The following RNF135 variants were observed in gnomAD, a reference collection of about 807,000 sequenced individuals.
The protein encoded by RNF135 is E3 ubiquitin-protein ligase RNF135.
Under a neutral mutation model 41.9 loss-of-function variants are expected in RNF135, and 46 were observed. The ratio of observed to expected loss-of-function variants is 1.10; its 90% CI spans 0.87 to 1.40. RNF135 has a LOEUF of 1.40. Among genes scored for constraint, RNF135 ranks in the 40% most tolerant of loss-of-function variants. The pLI, the probability that RNF135 is intolerant of heterozygous loss-of-function variation, is 0.00. For missense variants in RNF135, 539 were observed against 549.8 expected, an observed-to-expected ratio of 0.98 and a Z score of 0.20; for synonymous variants, 238 against 223.8, an observed-to-expected ratio of 1.06 and a Z score of -0.57.
intron 3 of RNF135, among the ~76,000 whole-genome samples, chr17:30,988,493 T>C (rs1208063270): frequency 1.5e-5 from 2 of 130,416 alleles, no homozygotes; most frequent in African/African-American, 2.9e-5. Context: ...AGTGGCACCA[T>C]CTGGGCTCAC....
intron 3 of RNF135, among the ~76,000 whole-genome samples, chr17:30,996,570 C>T (rs948428920): frequency 3.3e-5 from 5 of 152,130 alleles, no homozygotes; most frequent in African/African-American, 1.2e-4. Context: ...ACACCCTAGA[C>T]AAGGTCTTTC....
chr17:30,969,737 CTTTCT>C (rs1303811381), upstream of RNF135, among the ~76,000 whole-genome samples: 1 of 140,194 alleles, frequency 7.1e-6, no homozygotes, highest in Non-Finnish European at 1.6e-5. Flanking sequence ...GCTTTTTTTT[CTTTCT>C]TTTCTTTCTT....
At chr17:30,978,946 TC>T in intron 1 of RNF135, 1 of 210,912 alleles carries the variant, frequency 4.7e-6, no homozygotes, top group Non-Finnish European at 9.1e-6. Flanking sequence ...ATCTACAGGA[TC>T]CCAAGGCAGA....
chr17:30,993,442 G>T (rs1908126601), intron 3 of RNF135, among the ~76,000 whole-genome samples: 1 of 152,016 alleles, frequency 6.6e-6, no homozygotes. Flanking sequence ...CTAGCTTCCA[G>T]CAATCCTTGT....
chr17:30,992,113 G>A (rs754801689), intron 3 of RNF135, among the ~76,000 whole-genome samples: 1 of 151,112 alleles, frequency 6.6e-6, no homozygotes, highest in East Asian at 2.0e-4. Flanking sequence ...TGTATTTTTA[G>A]CAGAGACAGG....
At chr17:30,974,427 T>C (rs1315362725) in intron 1 of RNF135, among the ~76,000 whole-genome samples, 1 of 152,190 alleles carries the variant, frequency 6.6e-6, no homozygotes, top group Non-Finnish European at 1.5e-5. Flanking sequence ...AAATTGGCTT[T>C]TCCATTTCTA....
chr17:30,971,227 C>T lies in RNF135; in HGVS notation c.154C>T (p.Arg52Cys). 6.6e-7 allele frequency: 1 copy of T among 1,512,534 alleles called. No individual in the cohort carries two copies. Among genetic ancestry groups the T allele is most frequent in the African/African-American group, 1.4e-5 (1 of 69,260 alleles). The allele number at this position is 1,512,534 out of a possible 1,614,324, so 93.7% of individuals were successfully genotyped here. ...CTGCCTGGAGGCCCTGTGGGGCGCC[C>T]GCGACGCCCGCCGCTGGGCCTGCCC... ...RHCLEALWGARDARRWACPTC... is the reference protein window; with the variant it reads ...RHCLEALWGACDARRWACPTC... The change falls in exon 1 of 5, where the codon CGC becomes TGC. Residue 52 changes from arginine (R) to cysteine (C), a missense_variant. Arg to Cys is a radical substitution (Grantham distance 180, BLOSUM62 -3). Around this residue, in one of 2 missense-constraint regions of RNF135, gnomAD observed 277 missense variants for 212.8 expected, o/e 1.30. Transcript: ENST00000328381.
chr17:30,962,189 G>T, the RNF135 span, among the ~76,000 whole-genome samples: 2 of 151,368 alleles, frequency 1.3e-5, no homozygotes, highest in Admixed American at 6.6e-5. Flanking sequence ...CTGGAGTGCA[G>T]TAGAGTGATC....
chr17:30,987,831 A>G, intron 2 of RNF135, 113 bp from the exon 3 acceptor site: 3 of 1,115,930 alleles, frequency 2.7e-6, no homozygotes, highest in Non-Finnish European at 3.9e-6. Context: ...GTTTTTAAAA[A>G]CTTGCTGGGA....
the RNF135 span, chr17:30,958,954 AT>A: frequency 6.6e-6 from 1 of 152,094 alleles, no homozygotes; most frequent in African/African-American, 2.4e-5. Flanking sequence ...AGGATAAGCA[AT>A]GCGTAAGCCT....
At chr17:30,978,611 T>TA (rs1906671368) in intron 1 of RNF135, 1 of 150,444 alleles carries the variant, frequency 6.6e-6, no homozygotes, top group African/African-American at 2.5e-5. Flanking sequence ...TATTTTTTAT[T>TA]TTTTATTTTT....
At chr17:30,991,573 GGC>G (rs1846706139) in intron 3 of RNF135, among the ~76,000 whole-genome samples, 1 of 151,416 alleles carries the variant, frequency 6.6e-6, no homozygotes, top group African/African-American at 2.4e-5. Flanking sequence ...CCTGCCACCA[GGC>G]CTCACTAATT....
chr17:30,998,268 G>A (rs898750859), intron 4 of RNF135, among the ~76,000 whole-genome samples: 5 of 152,226 alleles, frequency 3.3e-5, no homozygotes, highest in African/African-American at 7.2e-5. Context: ...TCTGGGTGCA[G>A]TGGCTCATGC....
the RNF135 span, among the ~76,000 whole-genome samples, chr17:30,964,254 T>A: frequency 6.6e-6 from 1 of 151,764 alleles, no homozygotes; most frequent in East Asian, 1.9e-4. Flanking sequence ...CTGGGCGTGG[T>A]GGTATGCACC....
At chr17:30,969,561 A>G (rs1192267089), upstream of RNF135, among the ~76,000 whole-genome samples, 2 of 152,194 alleles carry the variant, frequency 1.3e-5, no homozygotes, top group African/African-American at 4.8e-5. Context: ...TGGCCGGCTC[A>G]GTCGCCTTTA....
chr17:30,976,022 T>G (rs1356342035), intron 1 of RNF135: 1 of 299,448 alleles, frequency 3.3e-6, no homozygotes. Context: ...TGTTTGTTTT[T>G]TTGAGATGGC....
chr17:30,980,138 C>G (rs1906961315), intron 1 of RNF135: 1 of 141,874 alleles, frequency 7.0e-6, no homozygotes, highest in Non-Finnish European at 1.5e-5. Flanking sequence ...AGGGGCTCCT[C>G]ACTTCCCAGT....
chr17:30,980,187 G>A (rs1906969300), intron 1 of RNF135: 1 of 141,388 alleles, frequency 7.1e-6, no homozygotes, highest in Admixed American at 6.9e-5. Context: ...CCTCCCGGAT[G>A]GGGCGGCTGG....
rs1180396310 is a variant in RNF135, at chr17:30,998,981, C to T, written c.1089C>T (p.Val363=). Residue 363 remains valine, a synonymous_variant, in exon 5 of 5, where the codon GTC becomes GTT. Transcript: ENST00000328381. Reference sequence around the variant, plus strand: ...GCCAGCTCTCTGCATGGCACATGGTCAAGGAAACTGTCCTTGGCTCAGACA... The same window carrying T: ...GCCAGCTCTCTGCATGGCACATGGTTAAGGAAACTGTCCTTGGCTCAGACA... ...GTSQLSAWHM[V]KETVLGSDRP... 4.3e-6 allele frequency: 7 copies of T among 1,614,112 alleles called. No homozygotes were observed. The highest frequency in any genetic ancestry group is 5.9e-6 in the Non-Finnish European group (7 of 1,180,010).
Sources: allele counts gnomAD v4.1 joint callset (sites outside exome capture counted in the v4.1 genomes callset), GRCh38; gene constraint gnomAD v4.1.1; regional missense constraint gnomAD v4.1.1; transcripts MANE v1.5; gene names NCBI Gene and HGNC (gene_info 2026-07-23, HGNC 2026-07-21).